The following EMB variants were observed in gnomAD, a reference collection of about 807,000 sequenced individuals.
The protein encoded by EMB is embigin.
EMB carries 31 observed loss-of-function variants against 41.4 expected under a neutral mutation model. The ratio of observed to expected loss-of-function variants is 0.75; its 90% CI spans 0.56 to 1.01. EMB has a LOEUF of 1.01. Ranked by LOEUF, EMB falls within the 50% of genes least tolerant of loss-of-function variation. EMB has a pLI of 0.00. For synonymous variants in EMB, 137 were observed against 140.4 expected, an observed-to-expected ratio of 0.98 and a Z score of 0.17; for missense variants, 379 against 388.3, an observed-to-expected ratio of 0.98 and a Z score of 0.20.
At chr5:50,440,813 C>T (rs1167143109) in intron 1 of EMB, among the ~76,000 whole-genome samples, 1 of 152,070 alleles carries the variant, frequency 6.6e-6, no homozygotes, top group Non-Finnish European at 1.5e-5. Flanking sequence ...CAAGACTCGC[C>T]CCAAAGAGCG....
intron 2 of EMB, 102 bp downstream of exon 2, chr5:50,428,042 A>G: frequency 4.0e-6 from 3 of 741,630 alleles, no homozygotes; most frequent in Non-Finnish European, 6.8e-6. Flanking sequence ...GGCCAGGAAC[A>G]GGGATTACCA....
rs567832431 is a variant in EMB, at chr5:50,402,616, C to T, written c.878-297G>A. 1.8e-3 allele frequency among the ~76,000 whole-genome samples: 267 copies of T among 151,834 alleles called. 2 individuals carry two copies. Among genetic ancestry groups the T allele is most frequent in the Non-Finnish European group, 3.4e-3 (229 of 67,878 alleles). ...TATAAAATCAGGAAAGAATACAGGACGTAAGGTCAATTTTCTAGAGGATTA... is the reference window on the plus strand; with the variant it reads ...TATAAAATCAGGAAAGAATACAGGATGTAAGGTCAATTTTCTAGAGGATTA... On this transcript the variant is annotated intron_variant, in intron 6 of 8. Transcript: ENST00000303221.
chr5:50,440,774 C>G (rs1293339003), intron 1 of EMB, among the ~76,000 whole-genome samples: 1 of 152,140 alleles, frequency 6.6e-6, no homozygotes, highest in African/African-American at 2.4e-5. Context: ...CTGTTACCTA[C>G]GCGCCCGACT....
chr5:50,400,939 C>T (rs1745151460), intron 7 of EMB, among the ~76,000 whole-genome samples: 1 of 151,942 alleles, frequency 6.6e-6, no homozygotes, highest in African/African-American at 2.4e-5. Context: ...TGGTTAGAGA[C>T]AGTGGGAGGC....
intron 1 of EMB, among the ~76,000 whole-genome samples, chr5:50,440,416 C>G (rs1745879744): frequency 6.6e-6 from 1 of 151,540 alleles, no homozygotes; most frequent in African/African-American, 2.4e-5. Context: ...GCCTGTAATC[C>G]CAGCTACTCT....
chr5:50,410,152 G>A (rs936498708), intron 4 of EMB, among the ~76,000 whole-genome samples: 52 of 152,188 alleles, frequency 3.4e-4, no homozygotes, highest in African/African-American at 1.3e-3. Flanking sequence ...AGCAGAGTCC[G>A]ACGTAGTTAA....
chr5:50,399,396 C>A (rs1373864468), intron 8 of EMB, 106 bp from the exon 9 acceptor site: 3 of 1,458,070 alleles, frequency 2.1e-6, no homozygotes, highest in Non-Finnish European at 2.8e-6. Context: ...GTGAGGGATC[C>A]AATCTACTGC....
intron 2 of EMB, 61 bp from the exon 3 acceptor site, chr5:50,411,444 A>C: frequency 8.6e-7 from 1 of 1,168,290 alleles, no homozygotes; most frequent in Middle Eastern, 2.1e-4. Context: ...AACACATAAA[A>C]CCTTTTATAT....
At position 50,428,131 on chromosome 5, in the gene EMB, A is replaced by G. The variant is rs1304339214; in HGVS notation, c.196+13T>C. On this transcript the variant is annotated intron_variant, in intron 2 of 8. Coordinates refer to ENST00000303221, the MANE Select transcript of EMB (RefSeq NM_198449.3). ...TTTTTCGAATTGCATTATTTGAAACATGATACATTTACCAGTCAGTGATAT... is the reference window on the plus strand; with the variant it reads ...TTTTTCGAATTGCATTATTTGAAACGTGATACATTTACCAGTCAGTGATAT... The G allele has an allele frequency of 3.8e-6, 6 of 1,563,934 alleles. No individual in the cohort carries two copies. Among genetic ancestry groups the G allele is most frequent in the Non-Finnish European group, 5.2e-6 (6 of 1,143,314 alleles).
Position 50,441,117 on chromosome 5 carries a change from G to T in EMB, c.35C>A (p.Ala12Glu), listed in dbSNP as rs376170173. The change falls in exon 1 of 9, where the codon GCG (alanine) becomes GAG (glutamate). Residue 12 changes from alanine to glutamate, a missense_variant. Ala to Glu is a moderately radical substitution (Grantham distance 107, BLOSUM62 -1). Coordinates refer to ENST00000303221, the MANE Select transcript of EMB (RefSeq NM_198449.3). ...GAGGAGGAGCAGCCGGGGCGTACGCGCCCTGGCCTCCAGCAGGCCGGGGAG... is the reference window on the plus strand; with the variant it reads ...GAGGAGGAGCAGCCGGGGCGTACGCTCCCTGGCCTCCAGCAGGCCGGGGAG... The part of the protein sequence containing the change: ...RALPGLLEAR[A>E]RTPRLLLLQC... 4 of 1,511,872 alleles carry T rather than the reference G, an allele frequency of 2.6e-6. No homozygotes were observed. Among genetic ancestry groups the T allele is most frequent in the Admixed American group, 2.1e-5 (1 of 48,778 alleles). The allele number at this position is 1,511,872 out of a possible 1,614,324, so 93.7% of individuals were successfully genotyped here. A position where few individuals can be genotyped will look rare whatever the true frequency, so the allele number is the denominator to read the frequency against.
At chr5:50,435,705 T>C (rs1745792792) in intron 1 of EMB, among the ~76,000 whole-genome samples, 1 of 152,186 alleles carries the variant, frequency 6.6e-6, no homozygotes, top group African/African-American at 2.4e-5. Context: ...CCCTTGATAT[T>C]AGTAAGCATA....
At chr5:50,418,299 G>A (rs1050828427) in intron 2 of EMB, among the ~76,000 whole-genome samples, 2 of 152,184 alleles carry the variant, frequency 1.3e-5, no homozygotes, top group African/African-American at 4.8e-5. Context: ...CTATAGTGGG[G>A]ACCACTGATC....
rs1745907809 is a variant in EMB at position 50,441,275 on chromosome 5, A to G, written c.-124T>C. ...GCTCGCAGCCAGTGCCGCGGGTAGG[A>G]CGCTGAAGAAAAGGCGGAATGGGAG... On this transcript the variant is annotated 5_prime_UTR_variant, in exon 1 of 9. Transcript: ENST00000303221. 1 of 504,108 alleles carries G rather than the reference A, an allele frequency of 2.0e-6. No individual in the cohort carries two copies. The highest frequency in any genetic ancestry group is 3.1e-6 in the Non-Finnish European group (1 of 320,374). The allele number at this position is 504,108 out of a possible 1,614,324, so 31.2% of individuals were successfully genotyped here.
At chr5:50,433,624 T>C (rs1230078836) in intron 1 of EMB, among the ~76,000 whole-genome samples, 1 of 152,218 alleles carries the variant, frequency 6.6e-6, no homozygotes, top group Admixed American at 6.5e-5. Context: ...AGGAGACATT[T>C]GGCAATGTCT....
chr5:50,405,874 G>A (rs1158132173), intron 4 of EMB, 22 bp from the exon 5 acceptor site: 2 of 1,565,200 alleles, frequency 1.3e-6, no homozygotes, highest in East Asian at 2.3e-5. Flanking sequence ...ATAGAGAAAT[G>A]TATGTTACTG....
chr5:50,441,246 C>T lies in EMB; in HGVS notation c.-95G>A. ...TCCCTGCGCACACTCGCAGGTGGCC[C>T]GGCGCTCGCAGCCAGTGCCGCGGGT... On this transcript the variant is annotated 5_prime_UTR_variant, in exon 1 of 9. Transcript: ENST00000303221. 1.4e-6 allele frequency: 1 copy of T among 714,122 alleles called. No individual in the cohort carries two copies. The highest frequency in any genetic ancestry group is 2.0e-6 in the Non-Finnish European group (1 of 509,526). The allele number at this position is 714,122 out of a possible 1,614,324, so 44.2% of individuals were successfully genotyped here.
Position 50,424,998 on chromosome 5 carries a change from C to T in EMB, c.196+3146G>A, listed in dbSNP as rs377128881. Among the ~76,000 whole-genome samples, 44 of 152,234 alleles carry T rather than the reference C, an allele frequency of 2.9e-4. No individual in the cohort carries two copies. The South Asian group carries it at 9.1e-3, about 32-fold the overall frequency. ...ATGAATGTTAGGCCTCAGTTTTTTT[C>T]TCTGTGCATCAACAGTCTACATATC... On this transcript the variant is annotated intron_variant, in intron 2 of 8. Coordinates refer to ENST00000303221, the MANE Select transcript of EMB (RefSeq NM_198449.3).
intron 4 of EMB, among the ~76,000 whole-genome samples, chr5:50,407,111 A>G (rs550727649): frequency 6.6e-6 from 1 of 152,088 alleles, no homozygotes; most frequent in African/African-American, 2.4e-5. Context: ...CCGCTTTCCC[A>G]GGTTGTTTAT....
chr5:50,421,201 T>A (rs1163837971), intron 2 of EMB, among the ~76,000 whole-genome samples: 2 of 152,112 alleles, frequency 1.3e-5, no homozygotes. Flanking sequence ...AGAACCCAAT[T>A]TTAAGAAATG....
Sources: allele counts gnomAD v4.1 joint callset (sites outside exome capture counted in the v4.1 genomes callset), GRCh38; gene constraint gnomAD v4.1.1; transcripts MANE v1.5; gene names NCBI Gene and HGNC (gene_info 2026-07-23, HGNC 2026-07-21).